Variants in ALK observed in about 807,000 individuals in gnomAD.
The protein encoded by ALK is ALK receptor tyrosine kinase.
A neutral mutation model predicts 163.1 loss-of-function variants in ALK; 74 were observed. That is an observed-to-expected ratio of 0.45 (90% CI 0.38 to 0.55). The LOEUF is 0.55. ALK is among the 20% of genes least tolerant of loss of function. The pLI is 0.00. For synonymous variants in ALK, 960 were observed against 843.2 expected (o/e 1.14, Z -2.40); for missense variants, 2,063 against 2,105.3 (o/e 0.98, Z 0.39).
intron 1 of ALK, among the ~76,000 whole-genome samples, chr2:29,871,334 A>G (rs535638536): frequency 6.6e-6 from 1 of 152,302 alleles, no homozygotes; most frequent in Admixed American, 6.5e-5. Flanking sequence ...ATCATCCTGC[A>G]CTGACCCCTG....
chr2:29,706,972 A>G (rs1678927372), intron 2 of ALK, among the ~76,000 whole-genome samples: 2 of 100,854 alleles, frequency 2.0e-5, no homozygotes, highest in African/African-American at 6.7e-5. Context: ...ACACTCATGC[A>G]GAATGTGTGT....
chr2:29,649,910 A>G (rs914750934), intron 3 of ALK, among the ~76,000 whole-genome samples: 5 of 152,138 alleles, frequency 3.3e-5, no homozygotes, highest in Non-Finnish European at 7.3e-5. Flanking sequence ...TCTTTTCATG[A>G]ACTCATGATT....
intron 2 of ALK, among the ~76,000 whole-genome samples, chr2:29,708,314 C>T (rs989640633): frequency 1.3e-5 from 2 of 152,114 alleles, no homozygotes; most frequent in African/African-American, 4.8e-5. Context: ...GGTAATCCAC[C>T]CACCCTGGCC....
At chr2:29,393,619 T>TCC (rs1669232698) in intron 4 of ALK, among the ~76,000 whole-genome samples, 1 of 152,214 alleles carries the variant, frequency 6.6e-6, no homozygotes, top group South Asian at 2.1e-4. Context: ...AGACATTGGG[T>TCC]CTTCATTTCT....
At chr2:29,289,646 C>T (rs1185605053) in intron 9 of ALK, among the ~76,000 whole-genome samples, 1 of 152,174 alleles carries the variant, frequency 6.6e-6, no homozygotes, top group Admixed American at 6.5e-5. Flanking sequence ...ATTCAACTCC[C>T]CTCGCGAGAG....
chr2:29,331,577 C>T (rs908809544), intron 5 of ALK, among the ~76,000 whole-genome samples: 2 of 152,180 alleles, frequency 1.3e-5, no homozygotes, highest in Non-Finnish European at 2.9e-5. Flanking sequence ...TCATTCATGT[C>T]CTCTTGGAAG....
At chr2:29,473,127 T>G (rs1285946999) in intron 4 of ALK, among the ~76,000 whole-genome samples, 2 of 152,238 alleles carry the variant, frequency 1.3e-5, no homozygotes, top group African/African-American at 4.8e-5. Context: ...ATAAAGCTCC[T>G]GTATTTAAAA....
chr2:29,630,836 G>A (rs1016236110), intron 3 of ALK, among the ~76,000 whole-genome samples: 1 of 151,940 alleles, frequency 6.6e-6, no homozygotes, highest in Non-Finnish European at 1.5e-5. Context: ...TTTTATTCTT[G>A]TGGACAAGGC....
intron 3 of ALK, among the ~76,000 whole-genome samples, chr2:29,603,116 G>A (rs1226581800): frequency 1.3e-5 from 2 of 152,156 alleles, no homozygotes; most frequent in African/African-American, 4.8e-5. Flanking sequence ...AGGCACGTCT[G>A]GGTTAAGATA....
At chr2:29,331,593 A>G (rs1667441006) in intron 5 of ALK, among the ~76,000 whole-genome samples, 1 of 152,198 alleles carries the variant, frequency 6.6e-6, no homozygotes, top group African/African-American at 2.4e-5. Context: ...GGAAGCTAGA[A>G]GGTAAAACGC....
chr2:29,845,106 C>T (rs1665807630), intron 1 of ALK, among the ~76,000 whole-genome samples: 1 of 152,164 alleles, frequency 6.6e-6, no homozygotes, highest in Non-Finnish European at 1.5e-5. Context: ...CCTTGTCCTG[C>T]TAGCAAAATG....
intron 4 of ALK, among the ~76,000 whole-genome samples, chr2:29,403,064 T>C (rs1029665424): frequency 1.1e-4 from 17 of 152,206 alleles, no homozygotes; most frequent in Admixed American, 7.9e-4. Context: ...ATCTGTGAAG[T>C]TGGCTTTGCT....
intron 1 of ALK, among the ~76,000 whole-genome samples, chr2:29,743,112 T>C (rs954739640): frequency 4.6e-5 from 7 of 152,198 alleles, no homozygotes; most frequent in African/African-American, 1.7e-4. Context: ...CTTTTTCTGA[T>C]GTTGAGTTTC....
intron 5 of ALK, among the ~76,000 whole-genome samples, chr2:29,380,494 C>T (rs1373515899): frequency 1.3e-5 from 2 of 152,192 alleles, no homozygotes; most frequent in East Asian, 1.9e-4. Context: ...TCTTGGCTCA[C>T]CGCAACCTCC....
intron 3 of ALK, among the ~76,000 whole-genome samples, chr2:29,631,457 T>C (rs1226231266): frequency 6.6e-5 from 10 of 152,212 alleles, no homozygotes; most frequent in Non-Finnish European, 1.5e-4. Context: ...GCTTTAATTC[T>C]AGATCCCATC....
chr2:29,361,518 T>C (rs557621223), intron 5 of ALK, among the ~76,000 whole-genome samples: 1 of 152,298 alleles, frequency 6.6e-6, no homozygotes, highest in South Asian at 2.1e-4. Flanking sequence ...TGCGTTATAG[T>C]GGGAAAACAC....
At chr2:29,434,643 G>A (rs1670355702) in intron 4 of ALK, among the ~76,000 whole-genome samples, 1 of 152,116 alleles carries the variant, frequency 6.6e-6, no homozygotes, top group Non-Finnish European at 1.5e-5. Flanking sequence ...TAGAGTTTGA[G>A]GAGTACTGAC....
chr2:29,776,976 C>A (rs1681194040), intron 1 of ALK, among the ~76,000 whole-genome samples: 1 of 152,128 alleles, frequency 6.6e-6, no homozygotes, highest in Non-Finnish European at 1.5e-5. Flanking sequence ...AACAAGGGTT[C>A]TGACCCCCAA....
rs113359670 is a variant in ALK, at chr2:29,595,701, G to C, written c.953-63585C>G. On this transcript the variant is annotated intron_variant, in intron 3 of 28. Coordinates refer to ENST00000389048, the MANE Select transcript of ALK (RefSeq NM_004304.5). The stretch of plus-strand genomic sequence containing the variant: ...CTCAATAAAAACACATGGGAGTAGG[G>C]GGAACAGAGAGGAAGACGGAGAGAG... Among the ~76,000 whole-genome samples, 80 of 152,234 alleles carry C rather than the reference G, an allele frequency of 5.3e-4. 2 individuals are homozygous for C. Among genetic ancestry groups the C allele is most frequent in the African/African-American group, 1.8e-3 (76 of 41,538 alleles).
Sources: allele counts gnomAD v4.1 joint callset (sites outside exome capture counted in the v4.1 genomes callset), GRCh38; gene constraint gnomAD v4.1.1; transcripts MANE v1.5; gene names NCBI Gene and HGNC (gene_info 2026-07-23, HGNC 2026-07-21).